NUP210: variants seen among roughly 807,000 people sequenced by gnomAD.
NUP210 encodes the protein nuclear pore membrane glycoprotein 210.
A neutral mutation model predicts 196.0 loss-of-function variants in NUP210; 151 were observed. That is an observed-to-expected ratio of 0.77 (90% confidence interval 0.67 to 0.88). The LOEUF is 0.88. Ranked by LOEUF, NUP210 falls within the 40% of genes least tolerant of loss-of-function variation. The pLI, the probability that NUP210 is intolerant of heterozygous loss-of-function variation, is 0.00. For missense variants in NUP210, 2,314 were observed against 2,493.7 expected, an observed-to-expected ratio of 0.93 and a Z score of 1.53; for synonymous variants, 1,070 against 1,052.7, an observed-to-expected ratio of 1.02 and a Z score of -0.32.
At position 13,420,032 on chromosome 3, in the gene NUP210, GCCCGC is replaced by G. The variant is rs1700480216; in HGVS notation, c.167+23_167+27del. 1 of 1,189,888 alleles carries G rather than the reference GCCCGC, an allele frequency of 8.4e-7. No individual in the cohort carries two copies. Among genetic ancestry groups the G allele is most frequent in the Admixed American group, 4.3e-5 (1 of 23,024 alleles). The allele number at this position is 1,189,888 out of a possible 1,614,324, so 73.7% of individuals were successfully genotyped here. ...GCGAAGGCCCAGCCCGGCCCACGGCGCCCGCCCGGCCCGGCCGCGCGCCTCACCAG... is the reference window on the plus strand; with the variant it reads ...GCGAAGGCCCAGCCCGGCCCACGGCGCCGGCCCGGCCGCGCGCCTCACCAG... On this transcript the variant is annotated intron_variant, in intron 1 of 39. Coordinates refer to ENST00000254508, the MANE Select transcript of NUP210 (RefSeq NM_024923.4). This position sits in a 1 kb window ranked among gnomAD's most constrained non-coding sequence, Gnocchi z 4.8.
intron 18 of NUP210, 98 bp from the exon 19 acceptor site, chr3:13,352,282 C>T: frequency 1.2e-6 from 1 of 841,682 alleles, no homozygotes; most frequent in Non-Finnish European, 1.9e-6. Flanking sequence ...GGCCTTGCTC[C>T]TGGCCACAAG....
In NUP210 at chr3:13,319,271, G is replaced by A. The variant is rs762243503; in HGVS notation, c.5438C>T (p.Thr1813Met). The A allele has an allele frequency of 1.7e-5, 27 of 1,613,066 alleles. No homozygotes were observed. Among genetic ancestry groups the A allele is most frequent in the Middle Eastern group, 3.3e-4 (2 of 6,084 alleles). Residue 1813 changes from threonine (T) to methionine (M), a missense_variant, in exon 38 of 40, where the codon ACG (threonine) becomes ATG (methionine). Coordinates refer to ENST00000254508, the MANE Select transcript of NUP210 (RefSeq NM_024923.4). ...FLDSYQVMFF[T>M]LFALLAGTAV... ...TGTCCCAGCCAACAGGGCGAAGAGC[G>A]TGAAGAACATGACCTGGTAGGAATC... is the stretch of plus-strand genomic sequence containing the variant.
In NUP210 at chr3:13,339,983, G is replaced by T; in HGVS notation, c.3342C>A (p.Ile1114=). Reference sequence around the variant, plus strand: ...TCACCAGCGCAACGCTCTCATTGCTGATGGAGAAAAGGATGTTGGACTGAG... The same window carrying T: ...TCACCAGCGCAACGCTCTCATTGCTTATGGAGAAAAGGATGTTGGACTGAG... The part of the protein sequence containing the change: ...PQPQSNILFS[I]SNESVALVSA... The change falls in exon 25 of 40, where the codon ATC becomes ATA. Residue 1114 remains isoleucine (I), a synonymous_variant. Transcript: ENST00000254508. 7 of 1,614,090 alleles carry T rather than the reference G, an allele frequency of 4.3e-6. No individual in the cohort carries two copies. The highest frequency in any genetic ancestry group is 1.3e-5 in the African/African-American group (1 of 75,072).
Position 13,336,854 on chromosome 3 carries a change from G to A in NUP210, c.3617C>T (p.Pro1206Leu). ...GACAGACCAGTGGAAGGTCAGGCCTGGCACGGCATTGCCAAAGGAGAAAGG... is the reference window on the plus strand; with the variant it reads ...GACAGACCAGTGGAAGGTCAGGCCTAGCACGGCATTGCCAAAGGAGAAAGG... The part of the protein sequence containing the change: ...QNPFSFGNAV[P>L]GLTFHWSVTK... Residue 1206 changes from proline to leucine, a missense_variant, in exon 27 of 40, where the codon CCA (proline) becomes CTA (leucine). Physicochemically the swap from Pro to Leu is moderately conservative, Grantham distance 98 (BLOSUM62 -3). Coordinates refer to ENST00000254508, the MANE Select transcript of NUP210 (RefSeq NM_024923.4). 3 of 1,613,998 alleles carry A rather than the reference G, an allele frequency of 1.9e-6. No individual in the cohort carries two copies. The highest frequency in any genetic ancestry group is 2.5e-6 in the Non-Finnish European group (3 of 1,179,940).
At chr3:13,370,731 CCTT>C (rs979256228) in intron 13 of NUP210, among the ~76,000 whole-genome samples, 2 of 152,234 alleles carry the variant, frequency 1.3e-5, no homozygotes, top group Non-Finnish European at 2.9e-5. Context: ...ATACTGGCCT[CCTT>C]CTGTGCAGCT....
chr3:13,328,659 A>T, intron 31 of NUP210, 112 bp downstream of exon 31: 1 of 1,034,618 alleles, frequency 9.7e-7, no homozygotes, highest in Non-Finnish European at 1.5e-6. Flanking sequence ...TGGAAACTGA[A>T]GTAATACACA....
At chr3:13,404,756 T>C (rs1699951314) in intron 1 of NUP210, among the ~76,000 whole-genome samples, 1 of 152,196 alleles carries the variant, frequency 6.6e-6, no homozygotes, top group Admixed American at 6.5e-5. Flanking sequence ...AGAAAAACCC[T>C]ATAGGTGTCC....
rs1411204951 is a variant in NUP210 at position 13,350,695 on chromosome 3, T to C, written c.2835+1184A>G. 6.7e-6 allele frequency among the ~76,000 whole-genome samples: 1 copy of C among 148,618 alleles called. No individual in the cohort carries two copies. Among genetic ancestry groups the C allele is most frequent in the East Asian group, 1.9e-4 (1 of 5,150 alleles). On this transcript the variant is annotated intron_variant, in intron 20 of 39. Coordinates refer to ENST00000254508, the MANE Select transcript of NUP210 (RefSeq NM_024923.4). The surrounding 1 kb of genome is among the most constrained non-coding windows in gnomAD (Gnocchi z 4.1). ...TACAGGAAAAAAAATAGAAATTCTT[T>C]TTTTTTTTTTTTTTTTGAGATGGAG...
chr3:13,344,853 G>T, intron 20 of NUP210: 1 of 883,126 alleles, frequency 1.1e-6, no homozygotes, highest in Non-Finnish European at 1.4e-6. Context: ...TCTTTCCCCA[G>T]CCTCCACCTG....
intron 1 of NUP210, among the ~76,000 whole-genome samples, chr3:13,413,178 T>C (rs576789467): frequency 2.8e-5 from 4 of 144,082 alleles, no homozygotes; most frequent in African/African-American, 1.0e-4. Flanking sequence ...GGCAGAAGAA[T>C]TGCTTGAGGC....
At chr3:13,332,204 C>G (rs917393349) in intron 29 of NUP210, 89 bp downstream of exon 29, 6 of 1,052,824 alleles carry the variant, frequency 5.7e-6, no homozygotes, top group Non-Finnish European at 7.4e-6. Flanking sequence ...CCTGAAAGTA[C>G]CCATGGCTCC....
chr3:13,331,755 A>G (rs1019685026), intron 29 of NUP210, among the ~76,000 whole-genome samples: 3 of 152,202 alleles, frequency 2.0e-5, no homozygotes, highest in South Asian at 2.1e-4. Flanking sequence ...ACTGCCATTC[A>G]AATGCAAGCC....
At chr3:13,320,693 C>T (rs900653388) in intron 36 of NUP210, among the ~76,000 whole-genome samples, 10 of 143,264 alleles carry the variant, frequency 7.0e-5, no homozygotes, top group Non-Finnish European at 6.0e-5. Flanking sequence ...GTCAGGAGAT[C>T]GAGACCATCC....
chr3:13,350,697 T>A lies in NUP210; in HGVS notation c.2835+1182A>T, dbSNP rs1048531106. ...CAGGAAAAAAAATAGAAATTCTTTTTTTTTTTTTTTTTTTGAGATGGAGTC... is the reference window on the plus strand; with the variant it reads ...CAGGAAAAAAAATAGAAATTCTTTTATTTTTTTTTTTTTTGAGATGGAGTC... On this transcript the variant is annotated intron_variant, in intron 20 of 39. Coordinates refer to ENST00000254508, the MANE Select transcript of NUP210 (RefSeq NM_024923.4). This position sits in a 1 kb window ranked among gnomAD's most constrained non-coding sequence, Gnocchi z 4.1. Among the ~76,000 whole-genome samples the A allele has an allele frequency of 4.0e-5, 6 of 149,882 alleles. No individual in the cohort carries two copies. The highest frequency in any genetic ancestry group is 8.9e-5 in the Non-Finnish European group (6 of 67,190).
Position 13,353,600 on chromosome 3 carries a change from G to A in NUP210, c.2582C>T (p.Thr861Ile), listed in dbSNP as rs748937787. 9 of 1,614,134 alleles carry A rather than the reference G, an allele frequency of 5.6e-6. No individual in the cohort carries two copies. The South Asian group carries it at 9.9e-5, about 18-fold the overall frequency. ...SGTTAITATA[T>I]GYQESHLSSA... ...GCTGAGGTGGGACTCCTGGTAGCCAGTGGCAGTGGCAGTGATGGCTGTGGT... is the reference window on the plus strand; with the variant it reads ...GCTGAGGTGGGACTCCTGGTAGCCAATGGCAGTGGCAGTGATGGCTGTGGT... The change falls in exon 18 of 40, where the codon ACT (threonine) becomes ATT (isoleucine). Residue 861 changes from threonine to isoleucine, a missense_variant. Thr to Ile is a moderately conservative substitution (Grantham distance 89). Coordinates refer to ENST00000254508, the MANE Select transcript of NUP210 (RefSeq NM_024923.4).
At chr3:13,360,592 G>A in intron 14 of NUP210, 101 bp from the exon 15 acceptor site, 1 of 851,062 alleles carries the variant, frequency 1.2e-6, no homozygotes, top group Non-Finnish European at 1.8e-6. Flanking sequence ...GTGGGGGCTG[G>A]TGGTCAGGCA....
At position 13,316,459 on chromosome 3, in the gene NUP210, C is replaced by T. The variant is rs1696276897; in HGVS notation, c.*1222G>A. ...GCGTCCACGCATGGATGGCCATGGG[C>T]ATGAGTCTCTGGATCTCCCTGAGGG... On this transcript the variant is annotated 3_prime_UTR_variant, in exon 40 of 40. Coordinates refer to ENST00000254508, the MANE Select transcript of NUP210 (RefSeq NM_024923.4). 1 of 152,308 alleles carries T rather than the reference C, an allele frequency of 6.6e-6. No individual in the cohort carries two copies. Among genetic ancestry groups the T allele is most frequent in the Admixed American group, 6.5e-5 (1 of 15,292 alleles). The allele number at this position is 152,308 out of a possible 1,614,324, so 9.4% of individuals were successfully genotyped here.
At chr3:13,407,278 A>G (rs906959949) in intron 1 of NUP210, among the ~76,000 whole-genome samples, 4 of 152,206 alleles carry the variant, frequency 2.6e-5, no homozygotes, top group African/African-American at 9.6e-5. Context: ...AGCTGGGCGC[A>G]GTGGCTTGTG....
chr3:13,341,615 T>G, intron 23 of NUP210, 133 bp downstream of exon 23: 1 of 1,063,066 alleles, frequency 9.4e-7, no homozygotes, highest in Non-Finnish European at 1.3e-6. Context: ...AGCTGCCTTT[T>G]GATGAGAGGA....
Sources: gnomAD v4.1 joint callset for allele counts (sites outside exome capture counted in the v4.1 genomes callset) on GRCh38, gnomAD v4.1.1 for gene constraint, Gnocchi (gnomAD v3.1) non-coding constraint, MANE v1.5 for transcripts, NCBI Gene and HGNC (gene_info 2026-07-23, HGNC 2026-07-21) for gene names.